The following PCDH9 variants were observed in gnomAD, a reference collection of about 807,000 sequenced individuals.
The protein encoded by PCDH9 is protocadherin-9.
PCDH9 carries 24 observed loss-of-function variants against 70.6 expected under a neutral mutation model. The ratio of observed to expected loss-of-function variants is 0.34; its 90% confidence interval spans 0.25 to 0.48. PCDH9 has a LOEUF of 0.48. Among genes scored for constraint, PCDH9 ranks in the 20% least tolerant of loss-of-function variants. The pLI, the probability that PCDH9 is intolerant of heterozygous loss-of-function variation, is 0.99. For missense variants in PCDH9, 1,281 were observed against 1,503.6 expected, an observed-to-expected ratio of 0.85 and a Z score of 2.45; for synonymous variants, 562 against 558.5, an observed-to-expected ratio of 1.01 and a Z score of -0.09.
chr13:66,887,387 A>G (rs540116122), intron 3 of PCDH9, among the ~76,000 whole-genome samples: 2 of 152,348 alleles, frequency 1.3e-5, no homozygotes, highest in Admixed American at 6.5e-5. Context: ...CCTAGAAAAA[A>G]AAAATGCTAC....
At chr13:66,423,109 A>G (rs532090214) in intron 4 of PCDH9, among the ~76,000 whole-genome samples, 2 of 152,272 alleles carry the variant, frequency 1.3e-5, no homozygotes, top group South Asian at 2.1e-4. Context: ...ATAAACCAGG[A>G]AGAAGTCAAA....
Position 66,982,800 on chromosome 13 carries a change from G to T in PCDH9, c.3037-79195C>A, listed in dbSNP as rs370694958. Among the ~76,000 whole-genome samples the T allele has an allele frequency of 3.7e-3, 569 of 152,240 alleles. 3 individuals carry two copies. The highest frequency in any genetic ancestry group is 0.024 in the Middle Eastern group (7 of 294). The stretch of plus-strand genomic sequence containing the variant: ...TTCTTCAATCTCGCTGGCAACATTT[G>T]TTTCTTAATTTCAAACAGAATAATT... On this transcript the variant is annotated intron_variant, in intron 2 of 4. Transcript: ENST00000377865.
At chr13:66,843,573 A>T (rs182613654) in intron 3 of PCDH9, among the ~76,000 whole-genome samples, 25 of 152,364 alleles carry the variant, frequency 1.6e-4, no homozygotes, top group Non-Finnish European at 3.2e-4. Flanking sequence ...TCTGAGGCCA[A>T]GGACAAGCAA....
chr13:66,411,716 G>A (rs1957373882), intron 4 of PCDH9, among the ~76,000 whole-genome samples: 2 of 152,070 alleles, frequency 1.3e-5, no homozygotes, highest in Admixed American at 1.3e-4. Context: ...TACCTTGGAG[G>A]CAGTAAGACA....
intron 3 of PCDH9, among the ~76,000 whole-genome samples, chr13:66,798,713 A>C (rs2080282717): frequency 6.6e-6 from 1 of 152,186 alleles, no homozygotes; most frequent in Non-Finnish European, 1.5e-5. Flanking sequence ...CTACCTGAAG[A>C]AGGTGCTTTT....
intron 2 of PCDH9, among the ~76,000 whole-genome samples, chr13:66,915,400 T>A (rs1385554481): frequency 6.6e-6 from 1 of 151,612 alleles, no homozygotes; most frequent in Non-Finnish European, 1.5e-5. Context: ...CTTTTTCACT[T>A]CCTTTCAATG....
At chr13:67,213,853 C>T (rs1233300582) in intron 2 of PCDH9, 10 of 152,118 alleles carry the variant, frequency 6.6e-5, no homozygotes, top group Non-Finnish European at 1.3e-4. Context: ...TTAAGTTCAA[C>T]AAGAAGTTAC....
At chr13:67,047,933 G>A (rs907985850) in intron 2 of PCDH9, among the ~76,000 whole-genome samples, 1 of 152,070 alleles carries the variant, frequency 6.6e-6, no homozygotes, top group Non-Finnish European at 1.5e-5. Flanking sequence ...TTTATGAACC[G>A]GATTTCCTTG....
intron 4 of PCDH9, among the ~76,000 whole-genome samples, chr13:66,516,601 T>G (rs1307724214): frequency 1.3e-5 from 2 of 152,138 alleles, no homozygotes; most frequent in Non-Finnish European, 2.9e-5. Flanking sequence ...AATTCAGTAT[T>G]TTGATTAATG....
intron 2 of PCDH9, among the ~76,000 whole-genome samples, chr13:67,020,269 T>G (rs1408442640): frequency 6.6e-6 from 1 of 152,206 alleles, no homozygotes; most frequent in East Asian, 1.9e-4. Context: ...GACTATGCTA[T>G]ATTATGTATG....
At position 66,513,264 on chromosome 13, in the gene PCDH9, C is replaced by G. The variant is rs1343056766; in HGVS notation, c.3340+117946G>C. Among the ~76,000 whole-genome samples the G allele has an allele frequency of 4.9e-5, 7 of 142,386 alleles. No individual in the cohort carries two copies. In the South Asian group the frequency reaches 1.5e-3, roughly 31 times the overall value. The allele number at this position is 142,386 out of a possible 152,430, so 93.4% of individuals were successfully genotyped here. A position where few individuals can be genotyped will look rare whatever the true frequency, so the allele number is the denominator to read the frequency against. On this transcript the variant is annotated intron_variant, in intron 4 of 4. Coordinates refer to ENST00000377865, the MANE Select transcript of PCDH9 (RefSeq NM_203487.3). ...AATAAAATGCCATTTTTTCTTGTAT[C>G]CTTTTATTATTTTTTTTCAGTAGCA...
intron 4 of PCDH9, among the ~76,000 whole-genome samples, chr13:66,384,588 A>C (rs980290787): frequency 2.0e-5 from 3 of 152,148 alleles, no homozygotes; most frequent in African/African-American, 7.2e-5. Flanking sequence ...GTAATACAAT[A>C]CTGTAACTGT....
At chr13:67,057,450 T>C (rs920234419) in intron 2 of PCDH9, among the ~76,000 whole-genome samples, 6 of 152,086 alleles carry the variant, frequency 3.9e-5, no homozygotes, top group African/African-American at 1.4e-4. Flanking sequence ...TAGAATTCAA[T>C]ATCATTGATT....
intron 2 of PCDH9, among the ~76,000 whole-genome samples, chr13:66,994,887 G>A: frequency 6.6e-6 from 1 of 152,128 alleles, no homozygotes; most frequent in East Asian, 1.9e-4. Flanking sequence ...TAGTTAATTT[G>A]TGCATTCATC....
chr13:66,676,714 A>T (rs1288154657), intron 3 of PCDH9, among the ~76,000 whole-genome samples: 1 of 152,088 alleles, frequency 6.6e-6, no homozygotes, highest in African/African-American at 2.4e-5. Context: ...GACCAATCTC[A>T]TATCCAACTA....
chr13:66,488,596 A>C (rs1482264242), intron 4 of PCDH9, among the ~76,000 whole-genome samples: 1 of 152,188 alleles, frequency 6.6e-6, no homozygotes, highest in Middle Eastern at 3.2e-3. Flanking sequence ...AGAGTAAAAA[A>C]AAATCTCAGA....
chr13:66,626,645 A>T (rs1593800373), intron 4 of PCDH9, among the ~76,000 whole-genome samples: 1 of 152,184 alleles, frequency 6.6e-6, no homozygotes, highest in East Asian at 1.9e-4. Flanking sequence ...AGACATTTTT[A>T]AAAAATGGAA....
chr13:67,197,110 A>C (rs2089085874), intron 2 of PCDH9, among the ~76,000 whole-genome samples: 1 of 152,002 alleles, frequency 6.6e-6, no homozygotes. Flanking sequence ...CAAATTTAAC[A>C]CATAATGTAG....
intron 2 of PCDH9, among the ~76,000 whole-genome samples, chr13:66,940,648 T>C (rs1232613172): frequency 6.6e-6 from 1 of 151,984 alleles, no homozygotes; most frequent in Non-Finnish European, 1.5e-5. Context: ...AAACAAAATT[T>C]TTCTGTAGAC....
Sources: allele counts gnomAD v4.1 joint callset (sites outside exome capture counted in the v4.1 genomes callset), GRCh38; gene constraint gnomAD v4.1.1; transcripts MANE v1.5; gene names NCBI Gene and HGNC (gene_info 2026-07-23, HGNC 2026-07-21).